The following TMEM132D variants were observed in gnomAD, a reference collection of about 807,000 sequenced individuals.
TMEM132D encodes transmembrane protein 132D, also known as mature OL transmembrane protein.
A neutral mutation model predicts 62.3 loss-of-function variants in TMEM132D; 21 were observed. The observed-to-expected ratio is 0.34, with a 90% CI of 0.24 to 0.49. The LOEUF is 0.49. Among genes scored for constraint, TMEM132D ranks in the 20% least tolerant of loss-of-function variants. The pLI, the probability that TMEM132D is intolerant of heterozygous loss-of-function variation, is 0.99. For missense variants in TMEM132D, 1,346 were observed against 1,402.8 expected (o/e 0.96, Z 0.65); for synonymous variants, 621 against 575.6 (o/e 1.08, Z -1.13).
At chr12:129,324,284 C>T (rs55879622) in intron 4 of TMEM132D, among the ~76,000 whole-genome samples, 27,645 of 152,008 alleles carry the variant, frequency 0.18, 3,413 homozygotes, top group Non-Finnish European at 0.27. Flanking sequence ...CATAACCAAG[C>T]GAATCCAGTC....
Position 129,152,096 on chromosome 12 carries a change from C to T in TMEM132D, c.1443+57424G>A, listed in dbSNP as rs78303471. ...TTTCACCATGTTGGCCAGATGGTCTCGATCTCTTGACCTCATGATCTGATC... is the reference window on the plus strand; with the variant it reads ...TTTCACCATGTTGGCCAGATGGTCTTGATCTCTTGACCTCATGATCTGATC... On this transcript the variant is annotated intron_variant, in intron 5 of 8. Coordinates refer to ENST00000422113, the MANE Select transcript of TMEM132D (RefSeq NM_133448.3). 4.6e-4 allele frequency among the ~76,000 whole-genome samples: 70 copies of T among 152,204 alleles called. No homozygotes were observed. In the East Asian group the frequency reaches 0.013, roughly 27 times the overall value.
intron 1 of TMEM132D, among the ~76,000 whole-genome samples, chr12:129,828,777 A>AAG (rs1566000227): frequency 5.4e-5 from 3 of 55,760 alleles, no homozygotes; most frequent in African/African-American, 1.1e-4. Flanking sequence ...GGAGGGAGGA[A>AAG]GAAAAGGAGG....
intron 3 of TMEM132D, among the ~76,000 whole-genome samples, chr12:129,453,001 G>A (rs1001239489): frequency 3.9e-5 from 6 of 152,202 alleles, no homozygotes; most frequent in African/African-American, 1.4e-4. Context: ...GTGAGTGGCA[G>A]GCGAGCGAGC....
intron 4 of TMEM132D, 166 bp from the exon 5 acceptor site, chr12:129,209,829 G>A (rs2135566775): frequency 1.1e-6 from 1 of 898,154 alleles, no homozygotes; most frequent in Non-Finnish European, 1.7e-6. Context: ...TGGCAGCCAT[G>A]AGATAATGTT....
At chr12:129,636,697 A>G (rs1267196980) in intron 2 of TMEM132D, among the ~76,000 whole-genome samples, 3 of 46,410 alleles carry the variant, frequency 6.5e-5, no homozygotes, top group African/African-American at 2.2e-4. Context: ...TTCATACAGA[A>G]ATGTGTGTGT....
At chr12:129,633,503 T>C (rs1487255225) in intron 2 of TMEM132D, among the ~76,000 whole-genome samples, 1 of 152,204 alleles carries the variant, frequency 6.6e-6, no homozygotes, top group Non-Finnish European at 1.5e-5. Flanking sequence ...TAGCAAATAT[T>C]GAGTCTGCTG....
chr12:129,203,943 C>T (rs1480125396), intron 5 of TMEM132D, among the ~76,000 whole-genome samples: 1 of 152,164 alleles, frequency 6.6e-6, no homozygotes, highest in Non-Finnish European at 1.5e-5. Flanking sequence ...CAGGAGCAGA[C>T]TAGAATTGAA....
At chr12:129,513,272 A>G (rs537564257) in intron 3 of TMEM132D, among the ~76,000 whole-genome samples, 3 of 152,202 alleles carry the variant, frequency 2.0e-5, no homozygotes, top group East Asian at 3.9e-4. Context: ...AAGGGAACCT[A>G]ACCACTCCCT....
chr12:129,393,163 GC>G (rs1344811918), intron 3 of TMEM132D, among the ~76,000 whole-genome samples: 1 of 152,232 alleles, frequency 6.6e-6, no homozygotes, highest in Non-Finnish European at 1.5e-5. Flanking sequence ...CTTTATCTGT[GC>G]AGCAAATTCA....
At chr12:129,311,012 C>T (rs1881960092) in intron 4 of TMEM132D, among the ~76,000 whole-genome samples, 1 of 96,144 alleles carries the variant, frequency 1.0e-5, no homozygotes, top group Non-Finnish European at 1.9e-5. Flanking sequence ...TCCTGGCTAA[C>T]ACGGTGAAAC....
chr12:129,547,258 A>G (rs1876762869), intron 2 of TMEM132D, among the ~76,000 whole-genome samples: 1 of 152,028 alleles, frequency 6.6e-6, no homozygotes. Flanking sequence ...TTTTTTCTAG[A>G]GACAGGGTCT....
At chr12:129,134,303 C>A (rs965248916) in intron 5 of TMEM132D, among the ~76,000 whole-genome samples, 2 of 152,092 alleles carry the variant, frequency 1.3e-5, no homozygotes, top group African/African-American at 2.4e-5. Context: ...ACAATTACAT[C>A]AGGCACTGGA....
At position 129,473,021 on chromosome 12, in the gene TMEM132D, C is replaced by T. The variant is rs561390610; in HGVS notation, c.1115+58038G>A. Among the ~76,000 whole-genome samples, 7 of 152,146 alleles carry T rather than the reference C, an allele frequency of 4.6e-5. No homozygotes were observed. The South Asian group carries it at 6.2e-4, about 14-fold the overall frequency. ...CTGGGATTACAGGCATGTGCCACCA[C>T]GCCCGGCTAATTTTTGTATTTTTAG... On this transcript the variant is annotated intron_variant, in intron 3 of 8. Coordinates refer to ENST00000422113, the MANE Select transcript of TMEM132D (RefSeq NM_133448.3).
chr12:129,744,385 G>A (rs756008998), intron 1 of TMEM132D, among the ~76,000 whole-genome samples: 4 of 152,134 alleles, frequency 2.6e-5, no homozygotes, highest in Non-Finnish European at 4.4e-5. Context: ...TTCCTGTTTA[G>A]TTATTAAAAG....
intron 3 of TMEM132D, among the ~76,000 whole-genome samples, chr12:129,527,981 A>T (rs1411935411): frequency 6.6e-6 from 1 of 152,210 alleles, no homozygotes; most frequent in Non-Finnish European, 1.5e-5. Context: ...AACCTGTCAC[A>T]GTGACTTAAC....
At chr12:129,600,821 C>T (rs1444607996) in intron 2 of TMEM132D, among the ~76,000 whole-genome samples, 1 of 152,114 alleles carries the variant, frequency 6.6e-6, no homozygotes, top group Non-Finnish European at 1.5e-5. Flanking sequence ...TGCTGTCATC[C>T]AGGCTTTGTT....
intron 1 of TMEM132D, among the ~76,000 whole-genome samples, chr12:129,866,861 T>C (rs970277318): frequency 3.3e-5 from 5 of 152,142 alleles, no homozygotes; most frequent in Admixed American, 1.3e-4. Context: ...GGATTCACAA[T>C]AGCCAAGATG....
At chr12:129,885,579 C>T (rs1300052302) in intron 1 of TMEM132D, among the ~76,000 whole-genome samples, 13 of 152,192 alleles carry the variant, frequency 8.5e-5, no homozygotes, top group Non-Finnish European at 1.5e-5. Context: ...AGGCTGAGAA[C>T]CACTCGTGTA....
chr12:129,145,538 T>A (rs1162072060), intron 5 of TMEM132D, among the ~76,000 whole-genome samples: 1 of 152,078 alleles, frequency 6.6e-6, no homozygotes, highest in Non-Finnish European at 1.5e-5. Context: ...CATCACAAGC[T>A]GTCAGGCGAT....
Sources: gnomAD v4.1 joint callset for allele counts (sites outside exome capture counted in the v4.1 genomes callset) on GRCh38, gnomAD v4.1.1 for gene constraint, MANE v1.5 for transcripts, NCBI Gene and HGNC (gene_info 2026-07-23, HGNC 2026-07-21) for gene names.